The following LHFPL3 variants were observed in gnomAD, a reference collection of about 807,000 sequenced individuals.
The protein encoded by LHFPL3 is LHFPL tetraspan subfamily member 3, also known as LHFPL tetraspan subfamily member 3 protein.
LHFPL3 carries 5 observed loss-of-function variants against 19.3 expected under a neutral mutation model. The ratio of observed to expected loss-of-function variants is 0.26; its 90% CI spans 0.14 to 0.54. LHFPL3 has a LOEUF of 0.54. Ranked by LOEUF, LHFPL3 falls within the 20% of genes least tolerant of loss-of-function variation. LHFPL3 has a pLI of 0.94. For synonymous variants in LHFPL3, 133 were observed against 126.2 expected, an observed-to-expected ratio of 1.05 and a Z score of -0.36; for missense variants, 249 against 307.4, an observed-to-expected ratio of 0.81 and a Z score of 1.42.
intron 1 of LHFPL3, among the ~76,000 whole-genome samples, chr7:104,422,547 C>G (rs908071345): frequency 3.3e-5 from 5 of 152,184 alleles, no homozygotes; most frequent in African/African-American, 1.2e-4. Context: ...TTTATTTCAA[C>G]TAGCATTTAT....
intron 2 of LHFPL3, among the ~76,000 whole-genome samples, chr7:104,815,623 T>C (rs1416819414): frequency 2.0e-5 from 3 of 152,196 alleles, no homozygotes; most frequent in Non-Finnish European, 4.4e-5. Flanking sequence ...ATTCTTCCAG[T>C]TCCACCTTTT....
intron 1 of LHFPL3, among the ~76,000 whole-genome samples, chr7:104,418,656 G>A (rs567723300): frequency 4.6e-5 from 7 of 152,332 alleles, no homozygotes; most frequent in South Asian, 2.1e-4. Context: ...AAGGTGCTTA[G>A]GATTTGGGAG....
intron 2 of LHFPL3, among the ~76,000 whole-genome samples, chr7:104,858,998 C>T (rs1180802410): frequency 6.6e-6 from 1 of 151,936 alleles, no homozygotes; most frequent in Non-Finnish European, 1.5e-5. Flanking sequence ...CACAGTGGCT[C>T]ACACCTGTAA....
chr7:104,905,028 T>C (rs902611351), intron 2 of LHFPL3, among the ~76,000 whole-genome samples: 1 of 152,136 alleles, frequency 6.6e-6, no homozygotes, highest in African/African-American at 2.4e-5. Context: ...CGATCTTTGC[T>C]CACCACAACC....
At chr7:104,466,275 A>G (rs1322186891) in intron 1 of LHFPL3, among the ~76,000 whole-genome samples, 1 of 152,230 alleles carries the variant, frequency 6.6e-6, no homozygotes, top group Non-Finnish European at 1.5e-5. Flanking sequence ...TTCTCACCTC[A>G]GTTTTGTAAA....
intron 1 of LHFPL3, among the ~76,000 whole-genome samples, chr7:104,385,786 A>T (rs1790929745): frequency 6.6e-6 from 1 of 152,240 alleles, no homozygotes; most frequent in Admixed American, 6.5e-5. Flanking sequence ...CTAAGTAGAA[A>T]ACGAATGCAT....
chr7:104,879,246 T>A (rs1180413856), intron 2 of LHFPL3, among the ~76,000 whole-genome samples: 1 of 151,972 alleles, frequency 6.6e-6, no homozygotes, highest in African/African-American at 2.4e-5. Context: ...CGAGACCCCA[T>A]CTCTACAAAA....
At chr7:104,612,801 C>T (rs1014129770) in intron 1 of LHFPL3, among the ~76,000 whole-genome samples, 2 of 152,168 alleles carry the variant, frequency 1.3e-5, no homozygotes, top group Admixed American at 6.6e-5. Flanking sequence ...TCCTACCTGA[C>T]TTGCCAAATT....
chr7:104,564,554 AAAGTT>A (rs1440222448), intron 1 of LHFPL3, among the ~76,000 whole-genome samples: 6 of 152,230 alleles, frequency 3.9e-5, no homozygotes, highest in Admixed American at 3.9e-4. Flanking sequence ...CATCTAAATA[AAAGTT>A]AAGTTTTTAC....
intron 1 of LHFPL3, among the ~76,000 whole-genome samples, chr7:104,608,321 A>G (rs1562948851): frequency 6.6e-6 from 1 of 152,088 alleles, no homozygotes; most frequent in Non-Finnish European, 1.5e-5. Flanking sequence ...CAGCCATAAA[A>G]AATGAAGAGT....
chr7:104,781,009 G>T (rs1020271312), intron 2 of LHFPL3, among the ~76,000 whole-genome samples: 2 of 152,048 alleles, frequency 1.3e-5, no homozygotes, highest in African/African-American at 4.8e-5. Context: ...TTTGCCATGT[G>T]CCTTGTTGAA....
intron 2 of LHFPL3, among the ~76,000 whole-genome samples, chr7:104,741,136 A>G (rs1243833598): frequency 6.6e-6 from 1 of 152,184 alleles, no homozygotes; most frequent in Non-Finnish European, 1.5e-5. Flanking sequence ...ACTTCTACAG[A>G]CTGCTTTTTC....
chr7:104,794,192 A>C (rs1220770928), intron 2 of LHFPL3, among the ~76,000 whole-genome samples: 4 of 152,182 alleles, frequency 2.6e-5, no homozygotes, highest in Non-Finnish European at 4.4e-5. Flanking sequence ...TAGCCAACAA[A>C]TTTTGAGGAG....
chr7:104,497,481 A>G (rs1562916498), intron 1 of LHFPL3, among the ~76,000 whole-genome samples: 1 of 152,116 alleles, frequency 6.6e-6, no homozygotes, highest in African/African-American at 2.4e-5. Context: ...TGGAATCCAC[A>G]TGAGAAGTCT....
chr7:104,901,158 T>C (rs1253933380), intron 2 of LHFPL3, among the ~76,000 whole-genome samples: 1 of 152,250 alleles, frequency 6.6e-6, no homozygotes, highest in Non-Finnish European at 1.5e-5. Context: ...TTTATTTCCT[T>C]CCACTTACTC....
rs1436995201 is a variant in LHFPL3, at chr7:104,435,749, C to T, written c.445+106525C>T. Reference sequence around the variant, plus strand: ...AGAAAATTTATTCCCTATTTAATTCCTGTCTAAGTGTACATTTCCCTCTGC... The same window carrying T: ...AGAAAATTTATTCCCTATTTAATTCTTGTCTAAGTGTACATTTCCCTCTGC... On this transcript the variant is annotated intron_variant, in intron 1 of 2. Coordinates refer to ENST00000424859, the MANE Select transcript of LHFPL3 (RefSeq NM_199000.3). Among the ~76,000 whole-genome samples, 3 of 151,712 alleles carry T rather than the reference C, an allele frequency of 2.0e-5. No individual in the cohort carries two copies. The East Asian group carries it at 5.8e-4, about 29-fold the overall frequency.
At position 104,619,081 on chromosome 7, in the gene LHFPL3, T is replaced by G. The variant is rs570081998; in HGVS notation, c.446-117594T>G. On this transcript the variant is annotated intron_variant, in intron 1 of 2. Coordinates refer to ENST00000424859, the MANE Select transcript of LHFPL3 (RefSeq NM_199000.3). ...TCATGAGACAGGAGTCAGCGGTGCT[T>G]CCTGTGCTTTGGAGAGTGAGAAGCT... 6.6e-5 allele frequency among the ~76,000 whole-genome samples: 10 copies of G among 152,320 alleles called. No homozygotes were observed. In the South Asian group the frequency reaches 2.1e-3, roughly 32 times the overall value.
chr7:104,456,117 C>T (rs1438815819), intron 1 of LHFPL3, among the ~76,000 whole-genome samples: 1 of 152,086 alleles, frequency 6.6e-6, no homozygotes, highest in East Asian at 1.9e-4. Flanking sequence ...CTTTTGCAAT[C>T]TTATGTACTC....
chr7:104,524,486 C>T lies in LHFPL3; in HGVS notation c.445+195262C>T, dbSNP rs557654555. Among the ~76,000 whole-genome samples, 254 of 152,276 alleles carry T rather than the reference C, an allele frequency of 1.7e-3. No homozygotes were observed. In the Middle Eastern group the frequency reaches 0.02, roughly 12 times the overall value. Reference sequence around the variant, plus strand: ...GAAACCATCTGCTTATCAATCTATACTTTCCAGTCAGCTTGGAGTGTCTAA... The same window carrying T: ...GAAACCATCTGCTTATCAATCTATATTTTCCAGTCAGCTTGGAGTGTCTAA... On this transcript the variant is annotated intron_variant, in intron 1 of 2. Coordinates refer to ENST00000424859, the MANE Select transcript of LHFPL3 (RefSeq NM_199000.3).
Sources: gnomAD v4.1 joint callset for allele counts (sites outside exome capture counted in the v4.1 genomes callset) on GRCh38, gnomAD v4.1.1 for gene constraint, MANE v1.5 for transcripts, NCBI Gene and HGNC (gene_info 2026-07-23, HGNC 2026-07-21) for gene names.